HECW1: variants seen among roughly 807,000 people sequenced by gnomAD.
HECW1 encodes the protein E3 ubiquitin-protein ligase HECW1.
In HECW1, 61 loss-of-function variants were observed where a neutral mutation model predicts 182.3. The observed-to-expected ratio is 0.33, with a 90% CI of 0.27 to 0.41. The LOEUF (loss-of-function observed/expected upper bound fraction) is 0.41. Ranked by LOEUF, HECW1 falls within the 10% of genes least tolerant of loss-of-function variation. The probability of loss-of-function intolerance (pLI) is 1.00; values close to 1 mark genes in which losing one functional copy is unlikely to be tolerated. For missense variants in HECW1, 1,739 were observed against 2,108.9 expected (o/e 0.82, Z 3.44); for synonymous variants, 859 against 832.6 (o/e 1.03, Z -0.55).
chr7:43,263,224 C>A (rs1343091065), intron 3 of HECW1, among the ~76,000 whole-genome samples: 2 of 152,098 alleles, frequency 1.3e-5, no homozygotes, highest in African/African-American at 4.8e-5. Flanking sequence ...AAGATTTTTG[C>A]CTCTTAAGGA....
rs374489291 is a variant in HECW1, at chr7:43,479,680, G to A, written c.3170G>A (p.Arg1057His). 2.7e-5 allele frequency: 43 copies of A among 1,613,934 alleles called. No individual in the cohort carries two copies. The highest frequency in any genetic ancestry group is 1.0e-4 in the Admixed American group (6 of 59,982). ...CCCCGAATCCCTCTTCAGAACGGTC[G>A]TCTTCCCAATCATCTAACTCACCGA... ...IDPRIPLQNG[R>H]LPNHLTHRQH... Residue 1057 changes from arginine to histidine, a missense_variant, in exon 17 of 30, where the codon CGT (arginine) becomes CAT (histidine). Arg to His is a conservative substitution (Grantham distance 29, BLOSUM62 0). Around this residue, in one of 5 missense-constraint regions of HECW1, gnomAD observed 971 missense variants for 1,029.1 expected, o/e 0.94. Transcript: ENST00000395891.
intron 2 of HECW1, among the ~76,000 whole-genome samples, chr7:43,232,974 G>T (rs1255759997): frequency 6.6e-6 from 1 of 152,072 alleles, no homozygotes; most frequent in Non-Finnish European, 1.5e-5. Context: ...GTGTTTAGTT[G>T]TAGAGACCCA....
chr7:43,355,398 A>G (rs866222510), intron 5 of HECW1, among the ~76,000 whole-genome samples: 21 of 152,226 alleles, frequency 1.4e-4, no homozygotes, highest in Admixed American at 3.9e-4. Flanking sequence ...GATAAGTAAT[A>G]TAAAAATATG....
rs892134900 is a variant in HECW1 at position 43,114,201 on chromosome 7, A to G, written c.-222A>G. On this transcript the variant is annotated 5_prime_UTR_variant, in exon 2 of 30. Coordinates refer to ENST00000395891, the MANE Select transcript of HECW1 (RefSeq NM_015052.5). ...CAGAAACGGATACAGCAAGAGCAGC[A>G]TAGTTCAAAAATTGAGGGAGGCATC... The G allele has an allele frequency of 9.8e-6, 13 of 1,331,892 alleles. No homozygotes were observed. The East Asian group carries it at 3.1e-4, about 32-fold the overall frequency. 82.5% of individuals were successfully genotyped at this position (1,331,892 alleles called of 1,614,324 possible). A position where few individuals can be genotyped will look rare whatever the true frequency, so the allele number is the denominator to read the frequency against.
intron 3 of HECW1, chr7:43,274,633 G>C (rs747863809): frequency 1.1e-4 from 39 of 362,438 alleles, no homozygotes; most frequent in Non-Finnish European, 1.9e-4. Context: ...GGAACGCCCC[G>C]GGGGAGGGAG....
chr7:43,348,168 T>TAAA (rs61394694), intron 5 of HECW1, among the ~76,000 whole-genome samples: 346 of 152,304 alleles, frequency 2.3e-3, no homozygotes, highest in African/African-American at 8.0e-3. Flanking sequence ...TTGTAATTTT[T>TAAA]TAATTACCAT....
chr7:43,451,003 G>A (rs1176969830), intron 12 of HECW1, 74 bp downstream of exon 12: 1 of 1,025,492 alleles, frequency 9.8e-7, no homozygotes, highest in Non-Finnish European at 1.5e-6. Flanking sequence ...GAATTTGTGT[G>A]TAAACATCTA....
At position 43,336,124 on chromosome 7, in the gene HECW1, T is replaced by TTCTTTCTCTCTCTC. The variant is rs1313057919; in HGVS notation, c.460+15385_460+15386insTTCTCTCTCTCTCT. 8.4e-4 allele frequency among the ~76,000 whole-genome samples: 54 copies of TTCTTTCTCTCTCTC among 64,286 alleles called. 1 individual carries two copies. Among genetic ancestry groups the TTCTTTCTCTCTCTC allele is most frequent in the Admixed American group, 4.4e-3 (28 of 6,328 alleles). 42.2% of individuals were successfully genotyped at this position (64,286 alleles called of 152,430 possible). On this transcript the variant is annotated intron_variant, in intron 5 of 29. Coordinates refer to ENST00000395891, the MANE Select transcript of HECW1 (RefSeq NM_015052.5). ...CTTTCTTCTTTCTTTCTTTCTTTCTTTCTCTCTCTCTCTCTCTCTTTCTCT... is the reference window on the plus strand; with the variant it reads ...CTTTCTTCTTTCTTTCTTTCTTTCTTTCTTTCTCTCTCTCTCTCTCTCTCTCTCTCTCTTTCTCT...
chr7:43,444,851 A>G lies in HECW1; in HGVS notation c.1679A>G (p.Tyr560Cys), dbSNP rs757317894. ...CGDPETPRTH[Y>C]IRIHTLLHSM... is the part of the protein sequence containing the mutation. ...GACCCCGAGACCCCGCGGACACACT[A>G]CATCCGCATCCACACCCTGCTGCAC... Residue 560 changes from tyrosine to cysteine, a missense_variant, in exon 11 of 30, where the codon TAC (tyrosine) becomes TGC (cysteine). By Grantham distance (194) the Tyr-to-Cys change is radical (BLOSUM62 -2). Around this residue, in one of 5 missense-constraint regions of HECW1, gnomAD observed 971 missense variants for 1,029.1 expected, o/e 0.94. Coordinates refer to ENST00000395891, the MANE Select transcript of HECW1 (RefSeq NM_015052.5). The surrounding 1 kb of genome is among the most constrained non-coding windows in gnomAD (Gnocchi z 4.3). 5 of 1,613,342 alleles carry G rather than the reference A, an allele frequency of 3.1e-6. No homozygotes were observed. In the South Asian group the frequency reaches 3.3e-5, roughly 11 times the overall value.
chr7:43,412,919 T>C (rs1054705771), intron 8 of HECW1, among the ~76,000 whole-genome samples: 2 of 148,400 alleles, frequency 1.3e-5, no homozygotes, highest in African/African-American at 5.0e-5. Flanking sequence ...AACATACGTG[T>C]GCATGTGTCT....
At chr7:43,551,388 G>A (rs1276692963) in intron 27 of HECW1, among the ~76,000 whole-genome samples, 1 of 152,148 alleles carries the variant, frequency 6.6e-6, no homozygotes, top group Non-Finnish European at 1.5e-5. Flanking sequence ...GTGAGCATGA[G>A]GCTTTTAATC....
At chr7:43,537,926 G>A (rs1388121831) in intron 24 of HECW1, among the ~76,000 whole-genome samples, 1 of 152,214 alleles carries the variant, frequency 6.6e-6, no homozygotes, top group Non-Finnish European at 1.5e-5. Flanking sequence ...AGTCTGCGCT[G>A]CAGTCCCCTG....
chr7:43,382,314 C>G (rs917024398), intron 6 of HECW1, among the ~76,000 whole-genome samples: 3 of 152,114 alleles, frequency 2.0e-5, no homozygotes, highest in African/African-American at 7.2e-5. Context: ...AAATAGAAGC[C>G]CCTTCAGAGG....
intron 18 of HECW1, 82 bp downstream of exon 18, chr7:43,492,262 T>G: frequency 1.0e-6 from 1 of 978,718 alleles, no homozygotes. Flanking sequence ...TTCTGGTTTT[T>G]GTCATGAACC....
chr7:43,300,192 T>C (rs887268966), intron 3 of HECW1, among the ~76,000 whole-genome samples: 2 of 152,254 alleles, frequency 1.3e-5, no homozygotes, highest in Non-Finnish European at 2.9e-5. Context: ...TCTATACATA[T>C]ATTGCCAGTT....
chr7:43,459,031 A>T (rs1443631168), intron 13 of HECW1, among the ~76,000 whole-genome samples: 1 of 152,138 alleles, frequency 6.6e-6, no homozygotes, highest in Non-Finnish European at 1.5e-5. Flanking sequence ...GACGCGGCAC[A>T]CTCTTCCAGG....
intron 24 of HECW1, among the ~76,000 whole-genome samples, chr7:43,515,453 A>T (rs7792143): frequency 0.26 from 40,057 of 152,126 alleles, 5,332 homozygotes; most frequent in South Asian, 0.34. Context: ...TAAAGAATCA[A>T]AATAGGGCAG....
chr7:43,445,660 T>A, intron 11 of HECW1, 90 bp downstream of exon 11: 1 of 1,435,676 alleles, frequency 7.0e-7, no homozygotes, highest in Non-Finnish European at 9.2e-7. Context: ...GGGCGGGGGA[T>A]CGGTGTCAAA....
At chr7:43,536,671 A>G (rs1435010629) in intron 24 of HECW1, among the ~76,000 whole-genome samples, 3 of 152,164 alleles carry the variant, frequency 2.0e-5, no homozygotes, top group African/African-American at 7.2e-5. Context: ...AAGCAGAAGA[A>G]TGGCCTAGGG....
Sources: allele counts gnomAD v4.1 joint callset (sites outside exome capture counted in the v4.1 genomes callset), GRCh38; gene constraint gnomAD v4.1.1; regional missense constraint gnomAD v4.1.1; non-coding constraint Gnocchi (gnomAD v3.1); transcripts MANE v1.5; gene names NCBI Gene and HGNC (gene_info 2026-07-23, HGNC 2026-07-21).